The following CDH13 variants were observed in gnomAD, a reference collection of about 807,000 sequenced individuals.
CDH13 encodes the protein cadherin-13.
A neutral mutation model predicts 63.8 loss-of-function variants in CDH13; 24 were observed. That is an observed-to-expected ratio of 0.38 (90% CI 0.27 to 0.53). The LOEUF (loss-of-function observed/expected upper bound fraction) is 0.53. CDH13 is among the 20% of genes least tolerant of loss of function. The pLI is 0.85. For synonymous variants in CDH13, 503 were observed against 355.3 expected (o/e 1.42, Z -4.67); for missense variants, 1,049 against 903.1 (o/e 1.16, Z -2.07).
At position 83,796,228 on chromosome 16, in the gene CDH13, T is replaced by C. The variant is rs750263091; in HGVS notation, c.*1198T>C. 7 of 152,290 alleles carry C rather than the reference T, an allele frequency of 4.6e-5. No individual in the cohort carries two copies. The highest frequency in any genetic ancestry group is 1.0e-4 in the Non-Finnish European group (7 of 68,044). The allele number at this position is 152,290 out of a possible 1,614,324, so 9.4% of individuals were successfully genotyped here. Reference sequence around the variant, plus strand: ...AGATTACCTTCTTGTTGATAAACCATAAATGAATCATCAAAGCTCACACCA... The same window carrying C: ...AGATTACCTTCTTGTTGATAAACCACAAATGAATCATCAAAGCTCACACCA... On this transcript the variant is annotated 3_prime_UTR_variant, in exon 14 of 14. Coordinates refer to ENST00000567109, the MANE Select transcript of CDH13 (RefSeq NM_001257.5).
intron 7 of CDH13, among the ~76,000 whole-genome samples, chr16:83,533,884 C>T (rs964865352): frequency 2.6e-5 from 4 of 152,084 alleles, no homozygotes; most frequent in Admixed American, 6.5e-5. Context: ...GCCTCCCGAG[C>T]TGCTGGGATT....
intron 7 of CDH13, among the ~76,000 whole-genome samples, chr16:83,539,178 G>T (rs141834093): frequency 6.6e-6 from 1 of 152,242 alleles, no homozygotes; most frequent in Non-Finnish European, 1.5e-5. Flanking sequence ...CAATTTTTCT[G>T]TGGGCAAGGG....
intron 7 of CDH13, among the ~76,000 whole-genome samples, chr16:83,509,708 TC>T (rs2074510933): frequency 6.6e-6 from 1 of 152,142 alleles, no homozygotes; most frequent in African/African-American, 2.4e-5. Flanking sequence ...TACCAAAAAG[TC>T]CTTTTTGGTG....
intron 2 of CDH13, among the ~76,000 whole-genome samples, chr16:82,978,961 C>G (rs1302050584): frequency 6.6e-6 from 1 of 152,186 alleles, no homozygotes; most frequent in Admixed American, 6.5e-5. Context: ...GGGTTGTACC[C>G]TGCAAAGCCA....
intron 7 of CDH13, among the ~76,000 whole-genome samples, chr16:83,531,294 A>G (rs1384954465): frequency 6.6e-6 from 1 of 152,220 alleles, no homozygotes; most frequent in Non-Finnish European, 1.5e-5. Flanking sequence ...CTCCTGGTAG[A>G]GCCTGGCATG....
chr16:82,811,889 T>C (rs1567559686), intron 1 of CDH13, among the ~76,000 whole-genome samples: 1 of 152,184 alleles, frequency 6.6e-6, no homozygotes, highest in Non-Finnish European at 1.5e-5. Flanking sequence ...TTAGGGAAGA[T>C]GACCATGAGT....
chr16:82,987,575 C>G (rs1409257145), intron 2 of CDH13, among the ~76,000 whole-genome samples: 2 of 152,276 alleles, frequency 1.3e-5, no homozygotes, highest in Middle Eastern at 3.4e-3. Context: ...CTGAGTTTCA[C>G]TATGTTGACC....
intron 3 of CDH13, among the ~76,000 whole-genome samples, chr16:83,048,495 T>G (rs750257263): frequency 7.2e-5 from 11 of 152,206 alleles, no homozygotes; most frequent in Non-Finnish European, 1.5e-4. Context: ...CTCTTCACCT[T>G]GAGCACCACT....
chr16:82,674,416 AG>A (rs778972014), intron 1 of CDH13, among the ~76,000 whole-genome samples: 4 of 152,222 alleles, frequency 2.6e-5, no homozygotes, highest in Admixed American at 2.0e-4. Flanking sequence ...AAGCAAATGA[AG>A]GGGCATGAGA....
At chr16:82,835,203 A>T (rs1440587889) in intron 1 of CDH13, among the ~76,000 whole-genome samples, 1 of 152,186 alleles carries the variant, frequency 6.6e-6, no homozygotes, top group Non-Finnish European at 1.5e-5. Flanking sequence ...TTTTGCACTT[A>T]ACAGCACCTC....
chr16:83,336,853 A>G (rs548338413), intron 5 of CDH13, among the ~76,000 whole-genome samples: 17 of 152,320 alleles, frequency 1.1e-4, no homozygotes, highest in Middle Eastern at 3.4e-3. Context: ...TATTACAAAA[A>G]ATATTGGCTT....
chr16:82,942,641 T>C (rs1460859242), intron 2 of CDH13, among the ~76,000 whole-genome samples: 2 of 152,158 alleles, frequency 1.3e-5, no homozygotes, highest in Non-Finnish European at 2.9e-5. Context: ...ATGTGAACCA[T>C]GCTGTATGTG....
At chr16:83,703,835 G>A (rs1906607759) in intron 10 of CDH13, among the ~76,000 whole-genome samples, 1 of 152,104 alleles carries the variant, frequency 6.6e-6, no homozygotes, top group African/African-American at 2.4e-5. Context: ...AGACCAACAT[G>A]CCTCTGACTC....
chr16:83,038,832 T>A (rs1227742774), intron 3 of CDH13, among the ~76,000 whole-genome samples: 1 of 152,226 alleles, frequency 6.6e-6, no homozygotes, highest in Non-Finnish European at 1.5e-5. Context: ...AACACCATAC[T>A]TACTCTTTCT....
intron 2 of CDH13, among the ~76,000 whole-genome samples, chr16:83,011,759 A>G (rs529897004): frequency 1.3e-5 from 2 of 152,198 alleles, no homozygotes; most frequent in Non-Finnish European, 2.9e-5. Context: ...AATGCTCTTC[A>G]GCAATCGCTA....
rs150977103 is a variant in CDH13 at position 83,420,795 on chromosome 16, T to A, written c.782-65682T>A. 5.9e-5 allele frequency among the ~76,000 whole-genome samples: 9 copies of A among 152,302 alleles called. No homozygotes were observed. The East Asian group carries it at 1.7e-3, about 29-fold the overall frequency. ...GAAACCAACAATGCAACCTTCAGTC[T>A]GTGGCCAAAGGCCCGAGAGCTCCTG... On this transcript the variant is annotated intron_variant, in intron 6 of 13. Coordinates refer to ENST00000567109, the MANE Select transcript of CDH13 (RefSeq NM_001257.5).
chr16:82,740,073 C>G (rs1462509131), intron 1 of CDH13, among the ~76,000 whole-genome samples: 1 of 152,154 alleles, frequency 6.6e-6, no homozygotes, highest in African/African-American at 2.4e-5. Flanking sequence ...CTATTACAAC[C>G]TGATTTTAAA....
At chr16:82,756,181 A>C (rs999769909) in intron 1 of CDH13, among the ~76,000 whole-genome samples, 1 of 152,158 alleles carries the variant, frequency 6.6e-6, no homozygotes, top group African/African-American at 2.4e-5. Flanking sequence ...TGCTAGGGTT[A>C]CCTAACCAAC....
intron 2 of CDH13, among the ~76,000 whole-genome samples, chr16:82,883,034 G>A (rs941789107): frequency 6.6e-6 from 1 of 152,046 alleles, no homozygotes; most frequent in East Asian, 1.9e-4. Context: ...CAATTATCTG[G>A]GTTTTATTAT....
Sources: allele counts gnomAD v4.1 joint callset (sites outside exome capture counted in the v4.1 genomes callset), GRCh38; gene constraint gnomAD v4.1.1; transcripts MANE v1.5; gene names NCBI Gene and HGNC (gene_info 2026-07-23, HGNC 2026-07-21).